Variants in PALM2AKAP2 observed in about 807,000 individuals in gnomAD.
PALM2AKAP2 encodes PALM2 and AKAP2 fusion.
A neutral mutation model predicts 71.5 loss-of-function variants in PALM2AKAP2; 37 were observed. The ratio of observed to expected loss-of-function variants is 0.52; its 90% CI spans 0.40 to 0.68. The LOEUF (loss-of-function observed/expected upper bound fraction) is 0.68, where lower values mean the gene tolerates loss of function less well. PALM2AKAP2 is among the 30% of genes least tolerant of loss of function. The pLI is 0.00. For missense variants in PALM2AKAP2, 1,224 were observed against 1,191.8 expected (o/e 1.03, Z -0.40); for synonymous variants, 468 against 478.8 (o/e 0.98, Z 0.29).
intron 1 of PALM2AKAP2, among the ~76,000 whole-genome samples, chr9:109,727,267 C>A (rs999484116): frequency 2.6e-5 from 4 of 152,156 alleles, no homozygotes; most frequent in Admixed American, 6.5e-5. Context: ...GCCCCACCAA[C>A]TTTACAGGAT....
chr9:109,982,340 A>C (rs2132200170), intron 6 of PALM2AKAP2, among the ~76,000 whole-genome samples: 1 of 152,320 alleles, frequency 6.6e-6, no homozygotes, highest in East Asian at 1.9e-4. Flanking sequence ...ATGGTTAATA[A>C]GTACAAAAAT....
intron 6 of PALM2AKAP2, among the ~76,000 whole-genome samples, chr9:109,968,384 A>C (rs1831997022): frequency 6.6e-6 from 1 of 152,222 alleles, no homozygotes; most frequent in Non-Finnish European, 1.5e-5. Context: ...TTTGATTATA[A>C]TGATATCTCA....
intron 1 of PALM2AKAP2, among the ~76,000 whole-genome samples, chr9:109,645,139 G>T (rs1020237144): frequency 6.6e-6 from 1 of 152,178 alleles, no homozygotes; most frequent in Non-Finnish European, 1.5e-5. Context: ...ATTTACAAAG[G>T]AAAGAGGTTT....
chr9:110,079,716 G>A (rs941064223), intron 1 of PALM2AKAP2, among the ~76,000 whole-genome samples: 5 of 152,100 alleles, frequency 3.3e-5, no homozygotes, highest in Non-Finnish European at 4.4e-5. Context: ...GGTATATATG[G>A]AGCATGATTC....
chr9:109,830,605 A>G (rs892598247), intron 1 of PALM2AKAP2, among the ~76,000 whole-genome samples: 9 of 152,192 alleles, frequency 5.9e-5, no homozygotes, highest in African/African-American at 2.2e-4. Flanking sequence ...AGGAGAATGG[A>G]GTATGTTTAT....
chr9:109,888,210 G>A (rs926116658), intron 3 of PALM2AKAP2, among the ~76,000 whole-genome samples: 2 of 152,172 alleles, frequency 1.3e-5, no homozygotes, highest in African/African-American at 4.8e-5. Context: ...CTAGAAAGCC[G>A]GACCTCAGAG....
At chr9:109,691,779 G>T (rs933958092) in intron 1 of PALM2AKAP2, among the ~76,000 whole-genome samples, 3 of 141,572 alleles carry the variant, frequency 2.1e-5, no homozygotes, top group Admixed American at 7.3e-5. Context: ...GCGGGAAGTG[G>T]CATTTCTAGG....
At chr9:110,032,177 G>T (rs752139154) in intron 7 of PALM2AKAP2, among the ~76,000 whole-genome samples, 1 of 151,856 alleles carries the variant, frequency 6.6e-6, no homozygotes, top group South Asian at 2.1e-4. Context: ...GCTTAAGACA[G>T]TTTCTTCTTT....
intron 6 of PALM2AKAP2, among the ~76,000 whole-genome samples, chr9:109,970,999 T>C (rs943698557): frequency 6.6e-6 from 1 of 152,152 alleles, no homozygotes; most frequent in African/African-American, 2.4e-5. Context: ...TAGTCCCAGC[T>C]ACTCAGGTGG....
intron 1 of PALM2AKAP2, among the ~76,000 whole-genome samples, chr9:109,762,204 C>T (rs1313372825): frequency 6.6e-6 from 1 of 151,592 alleles, no homozygotes; most frequent in Non-Finnish European, 1.5e-5. Flanking sequence ...TATGTAGTTC[C>T]CAAAGAGGTC....
At chr9:109,764,267 C>T (rs1165356313) in intron 1 of PALM2AKAP2, among the ~76,000 whole-genome samples, 1 of 152,108 alleles carries the variant, frequency 6.6e-6, no homozygotes, top group Non-Finnish European at 1.5e-5. Context: ...GAACTAGACC[C>T]AACCTGGAGC....
At chr9:110,121,970 G>A (rs1285978739) in intron 1 of PALM2AKAP2, among the ~76,000 whole-genome samples, 2 of 152,184 alleles carry the variant, frequency 1.3e-5, no homozygotes, top group Non-Finnish European at 1.5e-5. Context: ...TCATTTTACC[G>A]ACCAGAAAAC....
intron 4 of PALM2AKAP2, 110 bp downstream of exon 4, chr9:109,923,959 C>A: frequency 1.8e-6 from 2 of 1,131,332 alleles, no homozygotes; most frequent in Non-Finnish European, 2.4e-6. Flanking sequence ...GAAATCTGAG[C>A]CACGAACTCT....
intron 7 of PALM2AKAP2, among the ~76,000 whole-genome samples, chr9:110,019,202 T>C (rs1433263141): frequency 1.5e-5 from 2 of 135,714 alleles, no homozygotes; most frequent in African/African-American, 5.7e-5. Flanking sequence ...TCTGCGCCAC[T>C]GCACTCCAGC....
chr9:109,643,849 T>C (rs887923294), intron 1 of PALM2AKAP2, among the ~76,000 whole-genome samples: 4 of 152,234 alleles, frequency 2.6e-5, no homozygotes, highest in Non-Finnish European at 4.4e-5. Context: ...AGAGCTTTAA[T>C]TGGCTGATGA....
chr9:110,105,869 T>A (rs990322381), intron 1 of PALM2AKAP2, among the ~76,000 whole-genome samples: 1 of 152,362 alleles, frequency 6.6e-6, no homozygotes, highest in East Asian at 1.9e-4. Flanking sequence ...TTCATTCTAA[T>A]GTCTTTTGGA....
Position 109,823,152 on chromosome 9 carries a change from C to T in PALM2AKAP2, c.45+42619C>T, listed in dbSNP as rs922767272. 2.0e-5 allele frequency among the ~76,000 whole-genome samples: 3 copies of T among 152,174 alleles called. No homozygotes were observed. The South Asian group carries it at 6.2e-4, about 32-fold the overall frequency. ...TTCCTGGATGCAGATTAACTTCCAGCGAAAAGGGACACATTTTGAGCAGGA... is the reference window on the plus strand; with the variant it reads ...TTCCTGGATGCAGATTAACTTCCAGTGAAAAGGGACACATTTTGAGCAGGA... On this transcript the variant is annotated intron_variant, in intron 1 of 9. Transcript: ENST00000302798.
intron 6 of PALM2AKAP2, among the ~76,000 whole-genome samples, chr9:109,941,999 T>G (rs918696839): frequency 6.6e-6 from 1 of 152,232 alleles, no homozygotes; most frequent in Non-Finnish European, 1.5e-5. Context: ...ACTCTGTGCA[T>G]GGAAGATGAA....
intron 1 of PALM2AKAP2, among the ~76,000 whole-genome samples, chr9:109,690,469 G>T (rs1827866368): frequency 6.6e-6 from 1 of 152,076 alleles, no homozygotes. Context: ...AAAAAATATA[G>T]TTGGCTTTAA....
Sources: allele counts gnomAD v4.1 joint callset (sites outside exome capture counted in the v4.1 genomes callset), GRCh38; gene constraint gnomAD v4.1.1; transcripts MANE v1.5; gene names NCBI Gene and HGNC (gene_info 2026-07-23, HGNC 2026-07-21).